Variants in FSCN3 observed in about 807,000 individuals in gnomAD.
The protein encoded by FSCN3 is fascin-3.
A neutral mutation model predicts 53.5 loss-of-function variants in FSCN3; 43 were observed. That is an observed-to-expected ratio of 0.80 (90% confidence interval 0.63 to 1.04). FSCN3 has a LOEUF of 1.04. Among genes scored for constraint, FSCN3 ranks in the 50% least tolerant of loss-of-function variants. The probability of loss-of-function intolerance (pLI) is 0.00; values close to 1 mark genes in which losing one functional copy is unlikely to be tolerated. For missense variants in FSCN3, 594 were observed against 646.5 expected, an observed-to-expected ratio of 0.92 and a Z score of 0.88; for synonymous variants, 235 against 246.6, an observed-to-expected ratio of 0.95 and a Z score of 0.44.
At chr7:127,599,884 G>A (rs1368520976) in intron 5 of FSCN3, among the ~76,000 whole-genome samples, 1 of 150,732 alleles carries the variant, frequency 6.6e-6, no homozygotes, top group Non-Finnish European at 1.5e-5. Context: ...GGCGGAGCTT[G>A]CAGTGAGCCA....
At chr7:127,595,035 C>A in intron 1 of FSCN3, 1 of 563,358 alleles carries the variant, frequency 1.8e-6, no homozygotes, top group Non-Finnish European at 3.2e-6. Flanking sequence ...GAGGGTTTAC[C>A]TTCTGTTAGC....
rs1794369786 is a variant in FSCN3 at position 127,595,354 on chromosome 7, G to A, written c.192G>A (p.Val64=). Residue 64 remains valine (V), a synonymous_variant, in exon 2 of 7, where the codon GTG becomes GTA. Transcript: ENST00000265825. ...ATGAGCATGAGACACAGGCCGTGGT[G>A]CGACTAAAGAGCGTGCAGGGCCTCT... ...VSNEHETQAV[V]RLKSVQGLYL... 6.2e-7 allele frequency: 1 copy of A among 1,613,924 alleles called. No individual in the cohort carries two copies.
At chr7:127,594,160 CTG>C (rs749215425) in intron 1 of FSCN3, among the ~76,000 whole-genome samples, 163 bp downstream of exon 1, 2,715 of 89,074 alleles carry the variant, frequency 0.03, 62 homozygotes, top group African/African-American at 0.08. Context: ...AGTGGCCAAG[CTG>C]TGTGTGTGTG....
rs151254172 is a variant in FSCN3 at position 127,595,622 on chromosome 7, C to A, written c.460C>A (p.Arg154Ser). 1 of 1,614,070 alleles carries A rather than the reference C, an allele frequency of 6.2e-7. No individual in the cohort carries two copies. Among genetic ancestry groups the A allele is most frequent in the Non-Finnish European group, 8.5e-7 (1 of 1,179,940 alleles). Residue 154 changes from arginine (R) to serine (S), a missense_variant, in exon 2 of 7, where the codon CGC (arginine) becomes AGC (serine). Physicochemically the swap from Arg to Ser is moderately radical, Grantham distance 110. Transcript: ENST00000265825. The stretch of plus-strand genomic sequence containing the variant: ...CGTGATCCTCTACAGCCCCATCCAC[C>A]GCTGCTATGCCCGGGCTGACCCCAC... ...VHVILYSPIH[R>S]CYARADPTMG... is the part of the protein sequence containing the mutation.
chr7:127,595,848 A>G lies in FSCN3; in HGVS notation c.686A>G (p.Asp229Gly), dbSNP rs755675031. The change falls in exon 2 of 7, where the codon GAT becomes GGT. Residue 229 changes from aspartate (D) to glycine (G), a missense_variant. Coordinates refer to ENST00000265825, the MANE Select transcript of FSCN3 (RefSeq NM_020369.3). ...VRPGGLVALC[D>G]GEGGMLYPQG... is the part of the protein sequence containing the mutation. ...CCTGGAGGGCTTGTGGCACTGTGTGATGGAGAAGGAGGCATGTTATATCCA... is the reference window on the plus strand; with the variant it reads ...CCTGGAGGGCTTGTGGCACTGTGTGGTGGAGAAGGAGGCATGTTATATCCA... The G allele has an allele frequency of 1.9e-6, 3 of 1,613,820 alleles. No homozygotes were observed. The South Asian group carries it at 3.3e-5, about 18-fold the overall frequency.
At chr7:127,594,057 TGTGC>T (rs886071854) in intron 1 of FSCN3, 60 bp downstream of exon 1, 315 of 1,576,132 alleles carry the variant, frequency 2.0e-4, no homozygotes, top group Non-Finnish European at 2.6e-4. Flanking sequence ...TGTGTGTGTG[TGTGC>T]GCGCGCGCGT....
chr7:127,595,685 C>G lies in FSCN3; in HGVS notation c.523C>G (p.Leu175Val), dbSNP rs1794376252. Residue 175 changes from leucine (L) to valine (V), a missense_variant, in exon 2 of 7, where the codon CTG becomes GTG. Leu to Val is a conservative substitution (Grantham distance 32). Transcript: ENST00000265825. ...RIWVDAAVPC[L>V]EECGFLLHFR... ...CTGGGTGGACGCAGCAGTTCCCTGC[C>G]TGGAGGAGTGTGGCTTCCTGTTGCA... 6.2e-7 allele frequency: 1 copy of G among 1,614,084 alleles called. No individual in the cohort carries two copies. Among genetic ancestry groups the G allele is most frequent in the Non-Finnish European group, 8.5e-7 (1 of 1,179,912 alleles).
At chr7:127,598,692 G>T in intron 4 of FSCN3, 98 bp downstream of exon 4, 1 of 1,061,952 alleles carries the variant, frequency 9.4e-7, no homozygotes, top group East Asian at 2.4e-5. Flanking sequence ...AAGGCCGGGC[G>T]TGGTGGCTCA....
chr7:127,595,231 C>A, intron 1 of FSCN3, 76 bp from the exon 2 acceptor site: 1 of 1,321,666 alleles, frequency 7.6e-7, no homozygotes, highest in South Asian at 1.4e-5. Flanking sequence ...TGATACCAGC[C>A]ATGACAGTTG....
At chr7:127,598,827 G>A (rs768864671) in intron 4 of FSCN3, among the ~76,000 whole-genome samples, 18 of 152,112 alleles carry the variant, frequency 1.2e-4, no homozygotes, top group Non-Finnish European at 2.5e-4. Context: ...AGACATGGTG[G>A]TGCGGGCCTG....
intron 4 of FSCN3, 133 bp downstream of exon 4, chr7:127,598,727 A>T: frequency 1.4e-6 from 1 of 728,306 alleles, no homozygotes; most frequent in South Asian, 1.8e-5. Flanking sequence ...GCACTTTGGG[A>T]GGCTGAGGTG....
chr7:127,598,340 G>A (rs752121956), intron 3 of FSCN3, 95 bp from the exon 4 acceptor site: 8 of 1,150,658 alleles, frequency 7.0e-6, no homozygotes, highest in Non-Finnish European at 6.5e-6. Flanking sequence ...CTGATGAGTG[G>A]GATGTGGGAA....
intron 2 of FSCN3, 102 bp downstream of exon 2, chr7:127,596,105 G>T: frequency 6.7e-7 from 1 of 1,484,212 alleles, no homozygotes. Flanking sequence ...TGCTAATAAG[G>T]AAGATCCTGG....
chr7:127,598,960 CAAA>C (rs572782813), intron 4 of FSCN3, among the ~76,000 whole-genome samples: 3 of 118,178 alleles, frequency 2.5e-5, no homozygotes, highest in Non-Finnish European at 1.8e-5. Flanking sequence ...ACTCTATCTC[CAAA>C]AAAAAAAAAA....
Position 127,593,780 on chromosome 7 carries a change from C to T in FSCN3, c.-74C>T, listed in dbSNP as rs1794330907. ...GGGTACTACAGGCCCTATTCCAGGC[C>T]CTATGGCCTGTGGAACCTCACCACG... is the stretch of plus-strand genomic sequence containing the variant. On this transcript the variant is annotated 5_prime_UTR_variant, in exon 1 of 7. Coordinates refer to ENST00000265825, the MANE Select transcript of FSCN3 (RefSeq NM_020369.3). 9 of 1,512,358 alleles carry T rather than the reference C, an allele frequency of 6.0e-6. No homozygotes were observed. The highest frequency in any genetic ancestry group is 7.2e-6 in the Non-Finnish European group (8 of 1,115,494). The allele number at this position is 1,512,358 out of a possible 1,614,324, so 93.7% of individuals were successfully genotyped here.
At chr7:127,600,644 C>T (rs1034854839) in intron 6 of FSCN3, among the ~76,000 whole-genome samples, 1 of 152,166 alleles carries the variant, frequency 6.6e-6, no homozygotes, top group African/African-American at 2.4e-5. Flanking sequence ...GACAGGTGGG[C>T]TTGGAAGCAC....
chr7:127,596,742 T>G (rs1794396308), intron 3 of FSCN3: 1 of 171,414 alleles, frequency 5.8e-6, no homozygotes, highest in Admixed American at 6.3e-5. Context: ...ATGCACCTAT[T>G]AAGTATAAAA....
At chr7:127,597,298 G>A (rs1246673264) in intron 3 of FSCN3, among the ~76,000 whole-genome samples, 1 of 152,154 alleles carries the variant, frequency 6.6e-6, no homozygotes, top group Non-Finnish European at 1.5e-5. Flanking sequence ...GAAAGTGTCA[G>A]TTTTCTAAAG....
At chr7:127,594,087 T>TGTGTGCGTG in intron 1 of FSCN3, 90 bp downstream of exon 1, 2 of 786,978 alleles carry the variant, frequency 2.5e-6, no homozygotes, top group Non-Finnish European at 1.7e-6. Flanking sequence ...TGCGTGAGTG[T>TGTGTGCGTG]ATGTGTGTGT....
Sources: gnomAD v4.1 joint callset for allele counts (sites outside exome capture counted in the v4.1 genomes callset) on GRCh38, gnomAD v4.1.1 for gene constraint, MANE v1.5 for transcripts, NCBI Gene and HGNC (gene_info 2026-07-23, HGNC 2026-07-21) for gene names.